The following MTF2 variants were observed in gnomAD, a reference collection of about 807,000 sequenced individuals.
The protein encoded by MTF2 is metal-response element-binding transcription factor 2.
MTF2 carries 11 observed loss-of-function variants against 79.5 expected under a neutral mutation model. That is an observed-to-expected ratio of 0.14 (90% CI 0.09 to 0.23). The LOEUF (loss-of-function observed/expected upper bound fraction) is 0.23. MTF2 is among the 10% of genes least tolerant of loss of function. The pLI, the probability that MTF2 is intolerant of heterozygous loss-of-function variation, is 1.00. For synonymous variants in MTF2, 208 were observed against 232.8 expected, an observed-to-expected ratio of 0.89 and a Z score of 0.97; for missense variants, 486 against 711.2, an observed-to-expected ratio of 0.68 and a Z score of 3.60.
At chr1:93,096,022 CTTT>C (rs1655275163) in intron 1 of MTF2, among the ~76,000 whole-genome samples, 1 of 152,130 alleles carries the variant, frequency 6.6e-6, no homozygotes, top group African/African-American at 2.4e-5. Flanking sequence ...GTTCTTTAGT[CTTT>C]TGAGGTTCTG....
intron 6 of MTF2, among the ~76,000 whole-genome samples, chr1:93,116,922 T>G (rs929127837): frequency 2.0e-5 from 3 of 152,170 alleles, no homozygotes; most frequent in African/African-American, 4.8e-5. Context: ...ATGCAACATT[T>G]AGTGATTAAG....
intron 1 of MTF2, among the ~76,000 whole-genome samples, chr1:93,095,274 C>T (rs2101031898): frequency 6.6e-6 from 1 of 152,264 alleles, no homozygotes; most frequent in South Asian, 2.1e-4. Flanking sequence ...CTTCTTGCCT[C>T]AAGTGATCCT....
In MTF2 at chr1:93,094,906, C is replaced by G. The variant is rs533031015; in HGVS notation, c.6-15324C>G. Among the ~76,000 whole-genome samples, 5 of 152,302 alleles carry G rather than the reference C, an allele frequency of 3.3e-5. No individual in the cohort carries two copies. In the East Asian group the frequency reaches 9.6e-4, roughly 29 times the overall value. On this transcript the variant is annotated intron_variant, in intron 1 of 14. Transcript: ENST00000370298. ...CCTCTATTTTCAGCTGGCACCTTAC[C>G]TGTTCCCCTCTCTGTGCCTTGTATT... is the stretch of plus-strand genomic sequence containing the variant.
rs1571236925 is a variant in MTF2, at chr1:93,112,617, A to G, written c.286+1991A>G. Among the ~76,000 whole-genome samples, 5 of 152,340 alleles carry G rather than the reference A, an allele frequency of 3.3e-5. 1 individual carries two copies. In the South Asian group the frequency reaches 1.0e-3, roughly 32 times the overall value. On this transcript the variant is annotated intron_variant, in intron 3 of 14. Transcript: ENST00000370298. ...TAGACTCCTTTCTAGCAGTTTATTCATAAGAAGTAATTCAAAAAATACTAG... is the reference window on the plus strand; with the variant it reads ...TAGACTCCTTTCTAGCAGTTTATTCGTAAGAAGTAATTCAAAAAATACTAG...
intron 1 of MTF2, among the ~76,000 whole-genome samples, chr1:93,082,085 C>A (rs1022761003): frequency 4.6e-5 from 7 of 152,040 alleles, no homozygotes; most frequent in African/African-American, 1.7e-4. Context: ...AGATAGTGAC[C>A]TCTCTAGTCT....
At chr1:93,090,793 A>T (rs1398482217) in intron 1 of MTF2, among the ~76,000 whole-genome samples, 1 of 150,418 alleles carries the variant, frequency 6.6e-6, no homozygotes, top group Non-Finnish European at 1.5e-5. Context: ...TCTCCCAAGT[A>T]GCTGGGACTA....
intron 11 of MTF2, among the ~76,000 whole-genome samples, chr1:93,131,646 G>A (rs1205046340): frequency 6.6e-6 from 1 of 152,188 alleles, no homozygotes; most frequent in South Asian, 2.1e-4. Context: ...GCCGACAAAT[G>A]GAATGGCAGC....
At chr1:93,121,325 G>C in intron 9 of MTF2, 1 of 848,976 alleles carries the variant, frequency 1.2e-6, no homozygotes, top group Non-Finnish European at 1.4e-6. Flanking sequence ...ACTAGAATAA[G>C]TTTAATAGTT....
Position 93,114,713 on chromosome 1 carries a change from C to A in MTF2, c.312C>A (p.Val104=). Residue 104 remains valine, a synonymous_variant, in exon 4 of 15, where the codon GTC becomes GTA. Transcript: ENST00000370298. ...QTGATGSGEM[V]CTICQEEYSE... ...GAGCCACTGGAAGTGGGGAAATGGT[C>A]TGTACAATATGTCAAGAAGAGTATT... 1.2e-6 allele frequency: 2 copies of A among 1,609,702 alleles called. No homozygotes were observed. The highest frequency in any genetic ancestry group is 1.1e-5 in the South Asian group (1 of 89,856).
rs76935464 is a variant in MTF2, at chr1:93,138,158, C to A, written c.*1131C>A. The A allele has an allele frequency of 6.6e-6, 1 of 152,274 alleles. No individual in the cohort carries two copies. Among genetic ancestry groups the A allele is most frequent in the East Asian group, 1.9e-4 (1 of 5,188 alleles). The allele number at this position is 152,274 out of a possible 1,614,324, so 9.4% of individuals were successfully genotyped here. On this transcript the variant is annotated 3_prime_UTR_variant, in exon 15 of 15. Transcript: ENST00000370298. ...TGAGGCTACTGCTGTTTTATTACAA[C>A]ATTACCTCTTGTTTTTATAAAGTGT...
intron 1 of MTF2, among the ~76,000 whole-genome samples, chr1:93,097,276 C>G (rs1369062982): frequency 6.6e-6 from 1 of 152,144 alleles, no homozygotes; most frequent in Non-Finnish European, 1.5e-5. Flanking sequence ...AATATTTTGC[C>G]TAGCAGACAT....
At chr1:93,088,925 A>T (rs1654962433) in intron 1 of MTF2, among the ~76,000 whole-genome samples, 2 of 152,196 alleles carry the variant, frequency 1.3e-5, no homozygotes, top group Admixed American at 1.3e-4. Flanking sequence ...TAGTTTATAA[A>T]AGTTTTTTTG....
chr1:93,080,041 G>A (rs1270906262), intron 1 of MTF2, among the ~76,000 whole-genome samples: 1 of 152,070 alleles, frequency 6.6e-6, no homozygotes, highest in Non-Finnish European at 1.5e-5. Context: ...GGGGTCGAGT[G>A]TAAGTGCTGG....
intron 11 of MTF2, 141 bp from the exon 12 acceptor site, chr1:93,133,562 T>C (rs1316579645): frequency 1.7e-5 from 6 of 343,236 alleles, no homozygotes; most frequent in Non-Finnish European, 3.0e-5. Context: ...ACTAAACTTG[T>C]GGATTCAACT....
intron 1 of MTF2, among the ~76,000 whole-genome samples, chr1:93,091,515 A>T (rs1286739545): frequency 1.3e-5 from 2 of 152,166 alleles, no homozygotes; most frequent in African/African-American, 4.8e-5. Flanking sequence ...TTGTTTGTCC[A>T]TCATTCAAAT....
intron 14 of MTF2, among the ~76,000 whole-genome samples, chr1:93,135,318 A>G (rs1251302853): frequency 6.6e-6 from 1 of 152,180 alleles, no homozygotes; most frequent in Non-Finnish European, 1.5e-5. Context: ...TGAAAAGGTT[A>G]ATCTATTTGG....
At chr1:93,085,329 C>A (rs1441091634) in intron 1 of MTF2, among the ~76,000 whole-genome samples, 1 of 151,792 alleles carries the variant, frequency 6.6e-6, no homozygotes, top group Non-Finnish European at 1.5e-5. Context: ...ATGCCCACCA[C>A]CATGCCCGGC....
intron 1 of MTF2, among the ~76,000 whole-genome samples, chr1:93,097,925 T>C (rs1478970678): frequency 3.3e-5 from 5 of 152,076 alleles, no homozygotes; most frequent in Admixed American, 6.6e-5. Context: ...TTATTGCAGA[T>C]TTATTTGGGT....
intron 1 of MTF2, among the ~76,000 whole-genome samples, chr1:93,102,109 C>A (rs530875740): frequency 4.1e-4 from 62 of 152,162 alleles, no homozygotes; most frequent in Non-Finnish European, 7.8e-4. Flanking sequence ...ACTGAGTACC[C>A]AAAAGGAGTA....
Sources: allele counts gnomAD v4.1 joint callset (sites outside exome capture counted in the v4.1 genomes callset), GRCh38; gene constraint gnomAD v4.1.1; transcripts MANE v1.5; gene names NCBI Gene and HGNC (gene_info 2026-07-23, HGNC 2026-07-21).